The following UNC79 variants were observed in gnomAD, a reference collection of about 807,000 sequenced individuals.
UNC79 encodes unc-79 subunit of NALCN channel complex, also known as protein unc-79 homolog.
Under a neutral mutation model 283.1 loss-of-function variants are expected in UNC79, and 37 were observed. The observed-to-expected ratio is 0.13, with a 90% confidence interval of 0.10 to 0.17. The LOEUF (loss-of-function observed/expected upper bound fraction) is 0.17, where lower values mean the gene tolerates loss of function less well. Among genes scored for constraint, UNC79 ranks in the 10% least tolerant of loss-of-function variants. The pLI is 1.00. For synonymous variants in UNC79, 1,107 were observed against 1,200.2 expected (o/e 0.92, Z 1.61); for missense variants, 2,272 against 3,211.1 (o/e 0.71, Z 7.07).
intron 1 of UNC79, chr14:93,334,407 AGCT>A (rs1214907707): frequency 4.6e-5 from 7 of 152,310 alleles, no homozygotes; most frequent in African/African-American, 1.7e-4. Context: ...ATTCCCCTCT[AGCT>A]GGTAAGGGTC....
chr14:93,645,538 G>T (rs1281712694), intron 34 of UNC79, among the ~76,000 whole-genome samples: 1 of 152,102 alleles, frequency 6.6e-6, no homozygotes, highest in African/African-American at 2.4e-5. Flanking sequence ...GAGATCATGT[G>T]GTTTTACAAA....
chr14:93,349,062 C>T (rs1476769091), intron 1 of UNC79, among the ~76,000 whole-genome samples: 1 of 152,204 alleles, frequency 6.6e-6, no homozygotes. Context: ...CAGCTTCACT[C>T]CTGAAGCCAG....
intron 8 of UNC79, among the ~76,000 whole-genome samples, chr14:93,527,515 T>A (rs1433209270): frequency 6.6e-6 from 1 of 152,190 alleles, no homozygotes; most frequent in East Asian, 1.9e-4. Flanking sequence ...GAATATATAG[T>A]TTACAAATGT....
At chr14:93,466,971 A>C in intron 1 of UNC79, 192 of 943,770 alleles carry the variant, frequency 2.0e-4, no homozygotes, top group Middle Eastern at 1.1e-3. Context: ...AGCCAAGCTC[A>C]GAAAGCTATT....
chr14:93,369,144 T>G (rs1274670362), intron 1 of UNC79, among the ~76,000 whole-genome samples: 2 of 152,164 alleles, frequency 1.3e-5, no homozygotes, highest in Admixed American at 6.5e-5. Flanking sequence ...ACCCAAAGGG[T>G]GTTGTTGTGA....
chr14:93,611,683 T>C (rs2066319248), intron 26 of UNC79, among the ~76,000 whole-genome samples: 1 of 152,154 alleles, frequency 6.6e-6, no homozygotes. Context: ...GTAATAATAA[T>C]GGGTGTAACC....
At chr14:93,536,207 G>A (rs910173916) in intron 11 of UNC79, among the ~76,000 whole-genome samples, 13 of 152,226 alleles carry the variant, frequency 8.5e-5, no homozygotes, top group African/African-American at 2.9e-4. Context: ...AGTCATGTCC[G>A]AATCTCTGAT....
At chr14:93,657,033 A>G (rs1026830808) in intron 38 of UNC79, among the ~76,000 whole-genome samples, 1 of 152,214 alleles carries the variant, frequency 6.6e-6, no homozygotes, top group Admixed American at 6.5e-5. Context: ...GGGATAATGC[A>G]GGGACCCTTA....
chr14:93,602,314 A>G (rs1419974267), intron 25 of UNC79, among the ~76,000 whole-genome samples: 1 of 152,104 alleles, frequency 6.6e-6, no homozygotes, highest in East Asian at 1.9e-4. Flanking sequence ...TCATTCTTCT[A>G]GATGTGGCTT....
intron 14 of UNC79, among the ~76,000 whole-genome samples, chr14:93,568,409 C>T (rs1025351073): frequency 1.6e-4 from 24 of 152,250 alleles, no homozygotes; most frequent in African/African-American, 5.8e-4. Flanking sequence ...TGTGGGGGCT[C>T]ACACCTGTAA....
chr14:93,384,783 A>G (rs1348135725), intron 1 of UNC79, among the ~76,000 whole-genome samples: 1 of 152,064 alleles, frequency 6.6e-6, no homozygotes. Context: ...GAGTTTCTCT[A>G]ATGTTTTCTC....
chr14:93,365,123 C>T (rs1033928013), intron 1 of UNC79, among the ~76,000 whole-genome samples: 9 of 152,008 alleles, frequency 5.9e-5, no homozygotes, highest in Non-Finnish European at 1.0e-4. Context: ...TGGTGACTCA[C>T]GCCTGTAATC....
chr14:93,462,079 G>T (rs1377157419), intron 1 of UNC79, among the ~76,000 whole-genome samples: 1 of 152,212 alleles, frequency 6.6e-6, no homozygotes, highest in Non-Finnish European at 1.5e-5. Flanking sequence ...GGCCGAGGCG[G>T]TCAGATCACT....
intron 14 of UNC79, among the ~76,000 whole-genome samples, chr14:93,568,213 G>A (rs2063009527): frequency 6.6e-6 from 1 of 152,140 alleles, no homozygotes; most frequent in South Asian, 2.1e-4. Flanking sequence ...TGGGTATGGT[G>A]TCAGTGAGGT....
intron 26 of UNC79, among the ~76,000 whole-genome samples, chr14:93,610,486 C>G (rs1197430025): frequency 6.6e-6 from 1 of 152,182 alleles, no homozygotes; most frequent in East Asian, 1.9e-4. Context: ...AACTTTGAAC[C>G]CTGCAGGGAA....
Position 93,347,188 on chromosome 14 carries a change from C to T in UNC79, c.-351+13665C>T, listed in dbSNP as rs550270241. 4.1e-5 allele frequency: 60 copies of T among 1,474,172 alleles called. No homozygotes were observed. The South Asian group carries it at 7.1e-4, about 18-fold the overall frequency. 91.3% of individuals were successfully genotyped at this position (1,474,172 alleles called of 1,614,324 possible). A position where few individuals can be genotyped will look rare whatever the true frequency, so the allele number is the denominator to read the frequency against. On this transcript the variant is annotated intron_variant, in intron 1 of 49. Transcript: ENST00000256339. ...TGGGGCGCCTGCGCAAACCAGCTGCCTCACGAGCACTGGAGCTTGCGTTAC... is the reference window on the plus strand; with the variant it reads ...TGGGGCGCCTGCGCAAACCAGCTGCTTCACGAGCACTGGAGCTTGCGTTAC...
At chr14:93,414,736 T>G (rs1374149077) in intron 1 of UNC79, among the ~76,000 whole-genome samples, 1 of 152,190 alleles carries the variant, frequency 6.6e-6, no homozygotes, top group Non-Finnish European at 1.5e-5. Context: ...CTTGAAGAGG[T>G]CCTTCACATC....
chr14:93,644,861 A>T (rs1212683810), intron 34 of UNC79, among the ~76,000 whole-genome samples: 5 of 152,240 alleles, frequency 3.3e-5, no homozygotes, highest in South Asian at 2.1e-4. Flanking sequence ...CTTAGGAGTC[A>T]TATAGACAGA....
chr14:93,393,071 G>A (rs910560504), intron 1 of UNC79, among the ~76,000 whole-genome samples: 1 of 152,190 alleles, frequency 6.6e-6, no homozygotes, highest in Non-Finnish European at 1.5e-5. Flanking sequence ...ATCTTGTGGT[G>A]AGAGAGTTGG....
Sources: allele counts gnomAD v4.1 joint callset (sites outside exome capture counted in the v4.1 genomes callset), GRCh38; gene constraint gnomAD v4.1.1; transcripts MANE v1.5; gene names NCBI Gene and HGNC (gene_info 2026-07-23, HGNC 2026-07-21).